SLC5A10: variants seen among roughly 807,000 people sequenced by gnomAD.
SLC5A10 encodes sodium/mannose cotransporter SLC5A10.
A neutral mutation model predicts 68.9 loss-of-function variants in SLC5A10; 55 were observed. The ratio of observed to expected loss-of-function variants is 0.80; its 90% CI spans 0.64 to 1.00. The LOEUF (loss-of-function observed/expected upper bound fraction) is 1.00. Ranked by LOEUF, SLC5A10 falls within the 50% of genes least tolerant of loss-of-function variation. SLC5A10 has a pLI of 0.00. For synonymous variants in SLC5A10, 344 were observed against 344.8 expected, an observed-to-expected ratio of 1.00 and a Z score of 0.02; for missense variants, 732 against 819.3, an observed-to-expected ratio of 0.89 and a Z score of 1.30.
In SLC5A10 at chr17:18,979,664, C is replaced by A. The variant is rs997447086; in HGVS notation, c.982+2675C>A. 2.5e-6 allele frequency: 4 copies of A among 1,613,416 alleles called. No individual in the cohort carries two copies. The Admixed American group carries it at 6.7e-5, about 27-fold the overall frequency. ...AACTCAGTTCCCCCGCTGCTCCGCACTCTGAGATTCTGTTTTGGGAACCAA... is the reference window on the plus strand; with the variant it reads ...AACTCAGTTCCCCCGCTGCTCCGCAATCTGAGATTCTGTTTTGGGAACCAA... On this transcript the variant is annotated intron_variant, in intron 9 of 14. Transcript: ENST00000395645.
chr17:18,979,646 T>G, intron 9 of SLC5A10: 1 of 1,613,412 alleles, frequency 6.2e-7, no homozygotes, highest in Non-Finnish European at 8.5e-7. Context: ...AAGAACTCAG[T>G]TCCCCCGCTG....
intron 9 of SLC5A10, chr17:18,977,685 C>A: frequency 6.2e-7 from 1 of 1,610,620 alleles, no homozygotes; most frequent in Non-Finnish European, 8.5e-7. Flanking sequence ...CCCTGGGGTC[C>A]AACAAAGGTC....
chr17:19,019,422 G>T lies in SLC5A10; in HGVS notation c.1242-1G>T, dbSNP rs752526003. ...GCTGCCTGCCTTCCACTCGCCTGCAGGCTGGTCATAGTGGCACTCATCGGC... is the reference window on the plus strand; with the variant it reads ...GCTGCCTGCCTTCCACTCGCCTGCATGCTGGTCATAGTGGCACTCATCGGC... On this transcript the variant is annotated splice_acceptor_variant, in intron 11 of 14. Coordinates refer to ENST00000395645, the MANE Select transcript of SLC5A10 (RefSeq NM_001042450.4). LOFTEE classifies it high-confidence loss of function. 6.2e-7 allele frequency: 1 copy of T among 1,609,258 alleles called. No individual in the cohort carries two copies. The highest frequency in any genetic ancestry group is 8.5e-7 in the Non-Finnish European group (1 of 1,179,330).
chr17:19,012,694 C>T (rs1467098675), intron 9 of SLC5A10, among the ~76,000 whole-genome samples: 1 of 152,098 alleles, frequency 6.6e-6, no homozygotes, highest in African/African-American at 2.4e-5. Context: ...GTCTGGATCA[C>T]CCAGGGTCTT....
intron 13 of SLC5A10, 26 bp downstream of exon 13, chr17:19,019,954 T>C (rs1006396688): frequency 3.8e-6 from 6 of 1,570,312 alleles, no homozygotes; most frequent in South Asian, 1.2e-5. Context: ...CCCCTGACCC[T>C]GACCCCTAAC....
chr17:19,002,592 T>TA (rs1472650476), intron 9 of SLC5A10, among the ~76,000 whole-genome samples: 1 of 152,202 alleles, frequency 6.6e-6, no homozygotes, highest in Non-Finnish European at 1.5e-5. Flanking sequence ...TCAGAATCCT[T>TA]CTCAACACAG....
Position 18,978,144 on chromosome 17 carries a change from G to C in SLC5A10, c.982+1155G>C, listed in dbSNP as rs373158765. ...AGTACATCTGCCACAGGGACTGTCC[G>C]GGGCTTGGGCACGGGGGGCAATGGC... On this transcript the variant is annotated intron_variant, in intron 9 of 14. Coordinates refer to ENST00000395645, the MANE Select transcript of SLC5A10 (RefSeq NM_001042450.4). 5.2e-6 allele frequency: 8 copies of C among 1,529,906 alleles called. No individual in the cohort carries two copies. The South Asian group carries it at 9.0e-5, about 17-fold the overall frequency. 94.8% of individuals were successfully genotyped at this position (1,529,906 alleles called of 1,614,324 possible).
chr17:18,991,568 G>A (rs1216516659), intron 9 of SLC5A10, among the ~76,000 whole-genome samples: 1 of 152,170 alleles, frequency 6.6e-6, no homozygotes, highest in Non-Finnish European at 1.5e-5. Flanking sequence ...GGGCCACACT[G>A]GGCAGGAGGC....
At chr17:18,978,413 T>A in intron 9 of SLC5A10, 1 of 1,592,426 alleles carries the variant, frequency 6.3e-7, no homozygotes, top group Non-Finnish European at 8.6e-7. Flanking sequence ...AGGCTCCGGG[T>A]CTGGCTCCAC....
At position 18,968,251 on chromosome 17, in the gene SLC5A10, G is replaced by A. The variant is rs925340772; in HGVS notation, c.454-801G>A. 2.0e-5 allele frequency among the ~76,000 whole-genome samples: 3 copies of A among 152,212 alleles called. No homozygotes were observed. The highest frequency in any genetic ancestry group is 6.5e-5 in the Admixed American group (1 of 15,292). On this transcript the variant is annotated intron_variant, in intron 5 of 14. Coordinates refer to ENST00000395645, the MANE Select transcript of SLC5A10 (RefSeq NM_001042450.4). The surrounding 1 kb of genome is among the most constrained non-coding windows in gnomAD (Gnocchi z 4.1). ...CTGAGGCTGTGTGTTGGGTCATCTC[G>A]CATCTCCTGAGTCAAAGCAGAATGG...
At chr17:19,010,486 CTG>C (rs1042974331) in intron 9 of SLC5A10, among the ~76,000 whole-genome samples, 6 of 152,154 alleles carry the variant, frequency 3.9e-5, no homozygotes, top group Admixed American at 3.3e-4. Flanking sequence ...TCCTGGGGGA[CTG>C]TGTTTCAATG....
intron 1 of SLC5A10, among the ~76,000 whole-genome samples, chr17:18,952,862 C>G (rs1269193629): frequency 6.6e-6 from 1 of 152,166 alleles, no homozygotes; most frequent in East Asian, 1.9e-4. Context: ...TGACCCCACA[C>G]ACAGATTCCA....
Position 18,976,967 on chromosome 17 carries a change from G to A in SLC5A10, c.960G>A (p.Met320Ile). ...TGGGCCTGATCATCATGCCGGGCAT[G>A]ATCAGCCGCGCATTGTTCCCAGGTA... ...LPMGLIIMPG[M>I]ISRALFPDDV... Residue 320 changes from methionine to isoleucine, a missense_variant, in exon 9 of 15, where the codon ATG becomes ATA. By Grantham distance (10) the Met-to-Ile change is conservative. Coordinates refer to ENST00000395645, the MANE Select transcript of SLC5A10 (RefSeq NM_001042450.4). 6.2e-7 allele frequency: 1 copy of A among 1,612,954 alleles called. No homozygotes were observed. The highest frequency in any genetic ancestry group is 8.5e-7 in the Non-Finnish European group (1 of 1,179,820).
At position 18,955,373 on chromosome 17, in the gene SLC5A10, C is replaced by G. The variant is rs540586791; in HGVS notation, c.111+3057C>G. 2.6e-4 allele frequency among the ~76,000 whole-genome samples: 40 copies of G among 152,294 alleles called. No homozygotes were observed. The South Asian group carries it at 8.1e-3, about 31-fold the overall frequency. ...TCATCTCTGAGACCATCAGTTTCCT[C>G]ATTGGTAACATGGCACCTGCTTCAT... On this transcript the variant is annotated intron_variant, in intron 1 of 14. Transcript: ENST00000395645.
At chr17:19,014,209 GTTC>G (rs1345337412) in intron 10 of SLC5A10, among the ~76,000 whole-genome samples, 10 of 152,182 alleles carry the variant, frequency 6.6e-5, no homozygotes, top group Non-Finnish European at 1.3e-4. Context: ...AATTGCAGGA[GTTC>G]TTGTAGACAG....
At chr17:18,989,048 C>T (rs2043343295) in intron 9 of SLC5A10, among the ~76,000 whole-genome samples, 2 of 152,248 alleles carry the variant, frequency 1.3e-5, no homozygotes, top group African/African-American at 2.4e-5. Context: ...GCTTCTCTCA[C>T]ACCTAGTCCC....
At chr17:19,006,983 G>GT (rs148826116) in intron 9 of SLC5A10, among the ~76,000 whole-genome samples, 353 of 152,262 alleles carry the variant, frequency 2.3e-3, no homozygotes, top group African/African-American at 8.4e-3. Flanking sequence ...AAATAACCTT[G>GT]TTATGAGCAT....
chr17:18,956,064 C>T (rs1414728192), intron 1 of SLC5A10, among the ~76,000 whole-genome samples: 1 of 152,060 alleles, frequency 6.6e-6, no homozygotes, highest in African/African-American at 2.4e-5. Context: ...CATGGTGGCA[C>T]ATGCCTGTAA....
chr17:18,955,205 C>A (rs576831772), intron 1 of SLC5A10, among the ~76,000 whole-genome samples: 6 of 152,108 alleles, frequency 3.9e-5, no homozygotes, highest in Admixed American at 6.5e-5. Context: ...ACAGCTACAC[C>A]TCACTTTGGT....
Sources: allele counts gnomAD v4.1 joint callset (sites outside exome capture counted in the v4.1 genomes callset), GRCh38; gene constraint gnomAD v4.1.1; non-coding constraint Gnocchi (gnomAD v3.1); transcripts MANE v1.5; gene names NCBI Gene and HGNC (gene_info 2026-07-23, HGNC 2026-07-21).